The following LRRC4C variants were observed in gnomAD, a reference collection of about 807,000 sequenced individuals.
The protein encoded by LRRC4C is leucine-rich repeat-containing protein 4C.
LRRC4C carries 5 observed loss-of-function variants against 33.6 expected under a neutral mutation model. That is an observed-to-expected ratio of 0.15 (90% confidence interval 0.08 to 0.31). The LOEUF (loss-of-function observed/expected upper bound fraction) is 0.31. Ranked by LOEUF, LRRC4C falls within the 10% of genes least tolerant of loss-of-function variation. The probability of loss-of-function intolerance (pLI) is 1.00; values close to 1 mark genes in which losing one functional copy is unlikely to be tolerated. For missense variants in LRRC4C, 560 were observed against 796.7 expected (o/e 0.70, Z 3.58); for synonymous variants, 329 against 302.0 (o/e 1.09, Z -0.93).
intron 3 of LRRC4C, among the ~76,000 whole-genome samples, chr11:40,544,454 A>C (rs1435758822): frequency 6.6e-6 from 1 of 152,108 alleles, no homozygotes; most frequent in Non-Finnish European, 1.5e-5. Flanking sequence ...GATTCTTTGT[A>C]CCTACTTCAT....
At chr11:40,819,019 AGG>A (rs1167109611) in intron 2 of LRRC4C, among the ~76,000 whole-genome samples, 4 of 152,128 alleles carry the variant, frequency 2.6e-5, no homozygotes, top group African/African-American at 9.7e-5. Context: ...TTTCAGTTTT[AGG>A]AAAAATTGAT....
intron 3 of LRRC4C, among the ~76,000 whole-genome samples, chr11:40,494,041 A>T (rs968957402): frequency 2.0e-5 from 3 of 152,074 alleles, no homozygotes; most frequent in African/African-American, 4.8e-5. Context: ...CCGCTAAGCC[A>T]CGGTGGCTTA....
At chr11:41,345,523 C>T (rs1301029011) in intron 1 of LRRC4C, among the ~76,000 whole-genome samples, 1 of 152,148 alleles carries the variant, frequency 6.6e-6, no homozygotes, top group African/African-American at 2.4e-5. Flanking sequence ...GCTACAACAA[C>T]TGCCTCTAAT....
intron 2 of LRRC4C, among the ~76,000 whole-genome samples, chr11:40,771,169 T>A (rs1241808044): frequency 6.6e-6 from 1 of 152,172 alleles, no homozygotes; most frequent in Non-Finnish European, 1.5e-5. Context: ...TTTCTATACA[T>A]CTTCTGAAAT....
intron 3 of LRRC4C, among the ~76,000 whole-genome samples, chr11:40,399,878 G>A (rs1032269637): frequency 2.6e-5 from 4 of 152,066 alleles, no homozygotes; most frequent in Middle Eastern, 3.4e-3. Context: ...AAAAGAAAAC[G>A]CTCCGAAGAC....
Position 40,313,353 on chromosome 11 carries a change from A to G in LRRC4C, c.-176+6275T>C, listed in dbSNP as rs952783435. Among the ~76,000 whole-genome samples the G allele has an allele frequency of 2.6e-5, 4 of 151,984 alleles. 1 individual carries two copies. The highest frequency in any genetic ancestry group is 7.3e-5 in the African/African-American group (3 of 41,304). ...CAAATTCACAGGGCCAGTGAACAGAATAGAGAACCCAGAAATTAATTCACA... is the reference window on the plus strand; with the variant it reads ...CAAATTCACAGGGCCAGTGAACAGAGTAGAGAACCCAGAAATTAATTCACA... On this transcript the variant is annotated intron_variant, in intron 4 of 6. Transcript: ENST00000528697.
intron 4 of LRRC4C, among the ~76,000 whole-genome samples, chr11:40,303,262 G>T (rs1944866378): frequency 6.6e-6 from 1 of 152,040 alleles, no homozygotes; most frequent in East Asian, 1.9e-4. Flanking sequence ...AATGTCAAGG[G>T]TTAGAATCTA....
At chr11:40,225,750 G>C (rs1413524106) in intron 5 of LRRC4C, among the ~76,000 whole-genome samples, 1 of 151,850 alleles carries the variant, frequency 6.6e-6, no homozygotes, top group African/African-American at 2.4e-5. Context: ...CCAAGTAGCT[G>C]GGATTATAGG....
intron 4 of LRRC4C, among the ~76,000 whole-genome samples, chr11:40,310,672 C>T (rs1476974278): frequency 2.0e-5 from 3 of 152,038 alleles, no homozygotes; most frequent in Non-Finnish European, 2.9e-5. Flanking sequence ...ACAACAACCA[C>T]CCCACCCCCT....
intron 1 of LRRC4C, among the ~76,000 whole-genome samples, chr11:41,053,831 A>G (rs1041790302): frequency 1.3e-5 from 2 of 152,150 alleles, no homozygotes; most frequent in African/African-American, 4.8e-5. Context: ...ACTCTTCCCA[A>G]TCTTAACGAT....
intron 1 of LRRC4C, among the ~76,000 whole-genome samples, chr11:41,198,114 A>G (rs1346518724): frequency 1.3e-5 from 2 of 152,054 alleles, no homozygotes; most frequent in African/African-American, 4.8e-5. Context: ...AGGAGTATCT[A>G]TGACAAAAAA....
intron 3 of LRRC4C, among the ~76,000 whole-genome samples, chr11:40,482,877 A>G (rs2138421948): frequency 6.6e-6 from 1 of 152,316 alleles, no homozygotes; most frequent in South Asian, 2.1e-4. Context: ...CTCAGTCCTA[A>G]TAGAATAGCA....
At chr11:40,619,224 A>G (rs1166172839) in intron 3 of LRRC4C, among the ~76,000 whole-genome samples, 1 of 151,738 alleles carries the variant, frequency 6.6e-6, no homozygotes, top group Non-Finnish European at 1.5e-5. Context: ...TGATAGTACA[A>G]TAGGGTGATT....
At chr11:40,482,801 G>A (rs988090972) in intron 3 of LRRC4C, among the ~76,000 whole-genome samples, 1 of 152,060 alleles carries the variant, frequency 6.6e-6, no homozygotes, top group Non-Finnish European at 1.5e-5. Flanking sequence ...AGAATACAAA[G>A]AACCTAAATA....
At chr11:40,789,567 C>T (rs1950549316) in intron 2 of LRRC4C, among the ~76,000 whole-genome samples, 1 of 151,918 alleles carries the variant, frequency 6.6e-6, no homozygotes, top group African/African-American at 2.4e-5. Flanking sequence ...GGTTGCTCTA[C>T]TCTTCTATAC....
chr11:40,282,182 C>G (rs1943522972), intron 4 of LRRC4C, among the ~76,000 whole-genome samples: 1 of 152,050 alleles, frequency 6.6e-6, no homozygotes, highest in Non-Finnish European at 1.5e-5. Flanking sequence ...AACCCTGTCT[C>G]TAAAATACAA....
intron 2 of LRRC4C, among the ~76,000 whole-genome samples, chr11:40,711,531 A>G (rs77942448): frequency 1.4e-3 from 214 of 152,330 alleles, no homozygotes; most frequent in African/African-American, 4.9e-3. Context: ...GTCATCATTT[A>G]TAATACATAT....
chr11:41,190,062 G>T (rs999544207), intron 1 of LRRC4C, among the ~76,000 whole-genome samples: 2 of 152,196 alleles, frequency 1.3e-5, no homozygotes, highest in Non-Finnish European at 2.9e-5. Context: ...AATCATGCAT[G>T]AACATGTGTT....
intron 1 of LRRC4C, among the ~76,000 whole-genome samples, chr11:40,984,348 AAG>A (rs1852777451): frequency 7.8e-6 from 1 of 127,594 alleles, no homozygotes; most frequent in African/African-American, 2.8e-5. Context: ...GAAAGTAGGA[AAG>A]AGAAAGAAAG....
Sources: gnomAD v4.1 joint callset for allele counts (sites outside exome capture counted in the v4.1 genomes callset) on GRCh38, gnomAD v4.1.1 for gene constraint, MANE v1.5 for transcripts, NCBI Gene and HGNC (gene_info 2026-07-23, HGNC 2026-07-21) for gene names.